CASZ1: variants seen among roughly 807,000 people sequenced by gnomAD.
CASZ1 encodes the protein castor zinc finger 1, also known as zinc finger protein castor homolog 1.
A neutral mutation model predicts 135.2 loss-of-function variants in CASZ1; 28 were observed. The ratio of observed to expected loss-of-function variants is 0.21; its 90% CI spans 0.15 to 0.28. CASZ1 has a LOEUF of 0.28. CASZ1 is among the 10% of genes least tolerant of loss of function. The probability of loss-of-function intolerance (pLI) is 1.00; values close to 1 mark genes in which losing one functional copy is unlikely to be tolerated. For synonymous variants in CASZ1, 1,068 were observed against 1,073.4 expected, an observed-to-expected ratio of 0.99 and a Z score of 0.10; for missense variants, 2,161 against 2,453.3, an observed-to-expected ratio of 0.88 and a Z score of 2.52.
At chr1:10,658,461 T>G (rs749476902) in intron 7 of CASZ1, 47 bp downstream of exon 7, 16 of 1,532,112 alleles carry the variant, frequency 1.0e-5, no homozygotes, top group Admixed American at 1.7e-5. Context: ...CGGTCAGTCC[T>G]GGCCCCCCAC....
Position 10,722,797 on chromosome 1 carries a change from C to A in CASZ1, c.-76-17253G>T, listed in dbSNP as rs74052175. 3.2e-3 allele frequency among the ~76,000 whole-genome samples: 480 copies of A among 152,376 alleles called. 2 individuals are homozygous for A. The highest frequency in any genetic ancestry group is 0.011 in the African/African-American group (464 of 41,594). ...GCCCAGCTGCCTCCCTCTGGCATTA[C>A]TGCCACAGGCCTCTAGGAAGAGCTG... On this transcript the variant is annotated intron_variant, in intron 2 of 20. Transcript: ENST00000377022.
At chr1:10,668,522 G>A (rs1643306831) in intron 4 of CASZ1, among the ~76,000 whole-genome samples, 1 of 152,212 alleles carries the variant, frequency 6.6e-6, no homozygotes, top group African/African-American at 2.4e-5. Context: ...CCCCAGAGAC[G>A]GGAGAGGCGA....
chr1:10,639,251 G>C lies in CASZ1; in HGVS notation c.4971C>G (p.Pro1657=), dbSNP rs1326329660. Residue 1657 remains proline (P), a synonymous_variant, in exon 21 of 21, where the codon CCC becomes CCG. Transcript: ENST00000377022. The surrounding 1 kb of genome is among the most constrained non-coding windows in gnomAD (Gnocchi z 4.0). ...CGGCGGCGGCGCCCTCGCGCGGCCCGGGGGCGGCGGCGTCGGGCGGGCCGG... is the reference window on the plus strand; with the variant it reads ...CGGCGGCGGCGCCCTCGCGCGGCCCCGGGGCGGCGGCGTCGGGCGGGCCGG... ...GDPGPPDAAA[P]GPREGAAAAA... 1.1e-6 allele frequency: 1 copy of C among 946,866 alleles called. No individual in the cohort carries two copies. Among genetic ancestry groups the C allele is most frequent in the Admixed American group, 6.3e-5 (1 of 15,888 alleles). The allele number at this position is 946,866 out of a possible 1,614,324, so 58.7% of individuals were successfully genotyped here. A position where few individuals can be genotyped will look rare whatever the true frequency, so the allele number is the denominator to read the frequency against.
intron 2 of CASZ1, among the ~76,000 whole-genome samples, chr1:10,752,081 C>T (rs1461864884): frequency 6.6e-6 from 1 of 152,324 alleles, no homozygotes; most frequent in South Asian, 2.1e-4. Flanking sequence ...GCAGGGCACA[C>T]CCTCCCCAAG....
At chr1:10,766,244 C>T (rs917951664) in intron 1 of CASZ1, among the ~76,000 whole-genome samples, 2 of 152,144 alleles carry the variant, frequency 1.3e-5, no homozygotes, top group African/African-American at 4.8e-5. Flanking sequence ...GCCACTCCGC[C>T]AGATCACTGG....
At chr1:10,705,795 T>C (rs917509176) in intron 2 of CASZ1, among the ~76,000 whole-genome samples, 13 of 152,220 alleles carry the variant, frequency 8.5e-5, no homozygotes, top group African/African-American at 2.9e-4. Context: ...GCAGGGGCAA[T>C]GTGGTCCTCA....
chr1:10,646,708 C>G lies in CASZ1; in HGVS notation c.3498-382G>C, dbSNP rs907948142. ...CGGGGTGCCGTGAGGCCCTGGCTGG[C>G]GTGGCATGGGCGCCACCGTGGATGT... On this transcript the variant is annotated intron_variant, in intron 16 of 20. Transcript: ENST00000377022. This position sits in a 1 kb window ranked among gnomAD's most constrained non-coding sequence, Gnocchi z 6.4. 1.1e-4 allele frequency among the ~76,000 whole-genome samples: 17 copies of G among 152,316 alleles called. No homozygotes were observed. The highest frequency in any genetic ancestry group is 4.1e-4 in the African/African-American group (17 of 41,554).
rs775684219 is a variant in CASZ1 at position 10,640,026 on chromosome 1, G to A, written c.4196C>T (p.Ala1399Val). 1.2e-6 allele frequency: 2 copies of A among 1,610,406 alleles called. No homozygotes were observed. The highest frequency in any genetic ancestry group is 1.7e-6 in the Non-Finnish European group (2 of 1,179,770). Residue 1399 changes from alanine to valine, a missense_variant, in exon 21 of 21, where the codon GCC becomes GTC. By Grantham distance (64) the Ala-to-Val change is moderately conservative. Coordinates refer to ENST00000377022, the MANE Select transcript of CASZ1 (RefSeq NM_001079843.3). ...NTISMPTASGAKKRFWIIEDM... is the reference protein window; with the variant it reads ...NTISMPTASGVKKRFWIIEDM... Reference sequence around the variant, plus strand: ...CTCGATGATCCAGAAGCGCTTTTTGGCCCCCGAGGCTGTCGGCATAGAGAT... The same window carrying A: ...CTCGATGATCCAGAAGCGCTTTTTGACCCCCGAGGCTGTCGGCATAGAGAT...
rs1349034287 is a variant in CASZ1 at position 10,694,125 on chromosome 1, G to T, written c.-23-213C>A. On this transcript the variant is annotated intron_variant, in intron 3 of 20. Coordinates refer to ENST00000377022, the MANE Select transcript of CASZ1 (RefSeq NM_001079843.3). The surrounding 1 kb of genome is among the most constrained non-coding windows in gnomAD (Gnocchi z 6.6). Reference sequence around the variant, plus strand: ...GCGCCCGCGGGTCCGCGCCGCCTGAGTTTCTCCAACTAAGGCAGCAACTCT... The same window carrying T: ...GCGCCCGCGGGTCCGCGCCGCCTGATTTTCTCCAACTAAGGCAGCAACTCT... Among the ~76,000 whole-genome samples, 1 of 151,220 alleles carries T rather than the reference G, an allele frequency of 6.6e-6. No individual in the cohort carries two copies. Among genetic ancestry groups the T allele is most frequent in the Non-Finnish European group, 1.5e-5 (1 of 67,796 alleles).
chr1:10,661,684 C>T (rs1643032534), intron 5 of CASZ1, among the ~76,000 whole-genome samples: 1 of 151,908 alleles, frequency 6.6e-6, no homozygotes, highest in Non-Finnish European at 1.5e-5. Flanking sequence ...ATACAACACA[C>T]ACATGCATTC....
chr1:10,715,264 G>A lies in CASZ1; in HGVS notation c.-76-9720C>T, dbSNP rs147801687. Reference sequence around the variant, plus strand: ...CTCGGCCATGTTTGGGGACAACTATGTGGGCAGAGACCTCTCTTCCTCAAC... The same window carrying A: ...CTCGGCCATGTTTGGGGACAACTATATGGGCAGAGACCTCTCTTCCTCAAC... On this transcript the variant is annotated intron_variant, in intron 2 of 20. Transcript: ENST00000377022. Among the ~76,000 whole-genome samples, 507 of 152,276 alleles carry A rather than the reference G, an allele frequency of 3.3e-3. 1 individual carries two copies. The highest frequency in any genetic ancestry group is 6.8e-3 in the Middle Eastern group (2 of 294).
intron 1 of CASZ1, among the ~76,000 whole-genome samples, chr1:10,784,145 A>G (rs1640813387): frequency 1.3e-5 from 2 of 151,908 alleles, no homozygotes; most frequent in African/African-American, 2.4e-5. Context: ...CAGCCATCTC[A>G]CCCTGCCCTG....
rs1383735200 is a variant in CASZ1, at chr1:10,735,267, C to A, written c.-77+25434G>T. Among the ~76,000 whole-genome samples, 1 of 152,160 alleles carries A rather than the reference C, an allele frequency of 6.6e-6. No individual in the cohort carries two copies. The highest frequency in any genetic ancestry group is 2.4e-5 in the African/African-American group (1 of 41,426). The stretch of plus-strand genomic sequence containing the variant: ...AAGTGTGGTGAAATTAAATATAAAT[C>A]ATATTTTCTGCATAAATTATAGGGG... On this transcript the variant is annotated intron_variant, in intron 2 of 20. Coordinates refer to ENST00000377022, the MANE Select transcript of CASZ1 (RefSeq NM_001079843.3). The surrounding 1 kb of genome is among the most constrained non-coding windows in gnomAD (Gnocchi z 5.1).
chr1:10,750,214 C>T (rs112285729), intron 2 of CASZ1, among the ~76,000 whole-genome samples: 5,649 of 152,158 alleles, frequency 0.037, 328 homozygotes, highest in African/African-American at 0.13. Context: ...GACAGCAGCC[C>T]GGGGGTTGTG....
intron 4 of CASZ1, among the ~76,000 whole-genome samples, chr1:10,683,413 C>T (rs141888280): frequency 3.9e-5 from 6 of 152,290 alleles, no homozygotes; most frequent in African/African-American, 9.6e-5. Context: ...GAGTTTATCA[C>T]GTGGAGTTCC....
chr1:10,732,946 G>A (rs1639729051), intron 2 of CASZ1, among the ~76,000 whole-genome samples: 1 of 152,116 alleles, frequency 6.6e-6, no homozygotes, highest in Non-Finnish European at 1.5e-5. Context: ...TCCCCCACTG[G>A]TCCCTGGGGG....
chr1:10,687,485 A>G (rs567928824), intron 4 of CASZ1, among the ~76,000 whole-genome samples: 1 of 152,354 alleles, frequency 6.6e-6, no homozygotes, highest in Non-Finnish European at 1.5e-5. Flanking sequence ...AGTGGCCCAC[A>G]TACCACGCCC....
intron 5 of CASZ1, 63 bp from the exon 6 acceptor site, chr1:10,660,599 C>A (rs777298676): frequency 6.8e-7 from 1 of 1,465,760 alleles, no homozygotes; most frequent in South Asian, 1.2e-5. Context: ...GAGGTCCCCC[C>A]ACTGGGGGCC....
chr1:10,663,799 C>T lies in CASZ1; in HGVS notation c.505+1284G>A, dbSNP rs115413810. ...CCAGTGTCGGGCTGAGGGGGCGAGG[C>T]CTGGATCCCTGAGGCCATTGGCAGT... On this transcript the variant is annotated intron_variant, in intron 5 of 20. Transcript: ENST00000377022. Among the ~76,000 whole-genome samples the T allele has an allele frequency of 7.7e-3, 1,167 of 152,338 alleles. 22 individuals are homozygous for T. Among genetic ancestry groups the T allele is most frequent in the African/African-American group, 0.027 (1,117 of 41,574 alleles).
Sources: allele counts gnomAD v4.1 joint callset (sites outside exome capture counted in the v4.1 genomes callset), GRCh38; gene constraint gnomAD v4.1.1; non-coding constraint Gnocchi (gnomAD v3.1); transcripts MANE v1.5; gene names NCBI Gene and HGNC (gene_info 2026-07-23, HGNC 2026-07-21).